Variants in SETD5 observed in about 807,000 individuals in gnomAD.
The protein encoded by SETD5 is histone-lysine N-methyltransferase SETD5.
Under a neutral mutation model 153.3 loss-of-function variants are expected in SETD5, and 44 were observed. The observed-to-expected ratio is 0.29, with a 90% CI of 0.23 to 0.37. The LOEUF (loss-of-function observed/expected upper bound fraction) is 0.37. SETD5 is among the 10% of genes least tolerant of loss of function. The pLI is 1.00. For missense variants in SETD5, 1,544 were observed against 1,768.0 expected, an observed-to-expected ratio of 0.87 and a Z score of 2.27; for synonymous variants, 716 against 645.2, an observed-to-expected ratio of 1.11 and a Z score of -1.66.
At chr3:9,425,263 C>T (rs187653077) in intron 2 of SETD5, among the ~76,000 whole-genome samples, 6 of 151,760 alleles carry the variant, frequency 4.0e-5, no homozygotes, top group African/African-American at 1.2e-4. Context: ...AGGGTTTCAC[C>T]GTGTTAGCCA....
In SETD5 at chr3:9,464,491, T is replaced by C; in HGVS notation, c.2543T>C (p.Leu848Pro). The change falls in exon 18 of 23, where the codon CTT becomes CCT. Residue 848 changes from leucine to proline, a missense_variant. This residue lies in a region of SETD5 where 782 missense variants were observed against 787.2 expected (regional missense o/e 0.99). Coordinates refer to ENST00000402198, the MANE Select transcript of SETD5 (RefSeq NM_001080517.3). ...YLMEQNVTKL[L>P]RPLSPVTPPP... ...ATGGAGCAGAATGTCACCAAGTTAC[T>C]TCGGCCTCTGTCTCCAGTCACACCA... 6.2e-7 allele frequency: 1 copy of C among 1,614,020 alleles called. No individual in the cohort carries two copies. Among genetic ancestry groups the C allele is most frequent in the Non-Finnish European group, 8.5e-7 (1 of 1,179,888 alleles).
At chr3:9,430,936 A>G (rs981580107) in intron 3 of SETD5, 3 of 985,342 alleles carry the variant, frequency 3.0e-6, no homozygotes, top group Middle Eastern at 5.2e-4. Flanking sequence ...GGTCATAACT[A>G]GCTACATAGT....
chr3:9,429,690 T>A (rs1263394830), intron 3 of SETD5: 1 of 358,684 alleles, frequency 2.8e-6, no homozygotes, highest in Admixed American at 4.8e-5. Flanking sequence ...TATACAACTT[T>A]ATATATATTA....
intron 2 of SETD5, among the ~76,000 whole-genome samples, chr3:9,425,349 C>T (rs2039021338): frequency 6.6e-6 from 1 of 152,034 alleles, no homozygotes. Context: ...CAAGCGTGAG[C>T]CACTGCACCG....
chr3:9,418,627 AC>A, intron 1 of SETD5, among the ~76,000 whole-genome samples: 1 of 151,862 alleles, frequency 6.6e-6, no homozygotes, highest in Middle Eastern at 3.4e-3. Context: ...ACATGGTGAA[AC>A]CCCGTCTCTA....
intron 19 of SETD5, among the ~76,000 whole-genome samples, 159 bp from the exon 20 acceptor site, chr3:9,473,077 C>G (rs1245761133): frequency 6.6e-6 from 1 of 152,154 alleles, no homozygotes; most frequent in Admixed American, 6.5e-5. Flanking sequence ...CTTTCATACT[C>G]CCCAAAAAAA....
At chr3:9,405,784 C>T (rs1454993515) in intron 1 of SETD5, among the ~76,000 whole-genome samples, 1 of 152,012 alleles carries the variant, frequency 6.6e-6, no homozygotes, top group Non-Finnish European at 1.5e-5. Flanking sequence ...ATTTGTGCCC[C>T]TTGTTTGTCG....
At chr3:9,444,252 C>T (rs1036677335) in intron 11 of SETD5, among the ~76,000 whole-genome samples, 4 of 152,076 alleles carry the variant, frequency 2.6e-5, no homozygotes, top group South Asian at 2.1e-4. Flanking sequence ...AAAGTATATG[C>T]TTTTTGTTCT....
At chr3:9,410,367 G>A (rs1167731649) in intron 1 of SETD5, among the ~76,000 whole-genome samples, 1 of 152,210 alleles carries the variant, frequency 6.6e-6, no homozygotes, top group Non-Finnish European at 1.5e-5. Flanking sequence ...ATGTCGTTAT[G>A]TGGCACATGA....
At chr3:9,418,306 A>C (rs1483115813) in intron 1 of SETD5, among the ~76,000 whole-genome samples, 4 of 152,204 alleles carry the variant, frequency 2.6e-5, no homozygotes, top group African/African-American at 4.8e-5. Flanking sequence ...GATGCCAGCT[A>C]GATTACAGAT....
In SETD5 at chr3:9,474,713, C is replaced by T. The variant is rs1190993720; in HGVS notation, c.3631+131C>T. 22 of 1,283,374 alleles carry T rather than the reference C, an allele frequency of 1.7e-5. No individual in the cohort carries two copies. In the Admixed American group the frequency reaches 4.7e-4, roughly 27 times the overall value. 79.5% of individuals were successfully genotyped at this position (1,283,374 alleles called of 1,614,324 possible). On this transcript the variant is annotated intron_variant, in intron 21 of 22. Transcript: ENST00000402198. ...TTGGGCTCCACCGCATGCTAGGTTC[C>T]AGCCCACTTATGCTCATTTGGGCTA...
chr3:9,404,513 G>C (rs991517991), intron 1 of SETD5, among the ~76,000 whole-genome samples: 4 of 152,132 alleles, frequency 2.6e-5, no homozygotes, highest in African/African-American at 7.2e-5. Flanking sequence ...TATTACTACA[G>C]AAATTTAGGG....
At chr3:9,438,782 G>C (rs967131885) in intron 7 of SETD5, among the ~76,000 whole-genome samples, 1 of 152,194 alleles carries the variant, frequency 6.6e-6, no homozygotes, top group Non-Finnish European at 1.5e-5. Flanking sequence ...GGAAGGGACT[G>C]TTCTGTGCTT....
intron 19 of SETD5, among the ~76,000 whole-genome samples, chr3:9,471,275 T>C (rs2045269200): frequency 6.6e-6 from 1 of 152,212 alleles, no homozygotes; most frequent in East Asian, 1.9e-4. Flanking sequence ...AGATAGGCAA[T>C]TTTCTATTTT....
rs200411830 is a variant in SETD5, at chr3:9,445,086, G to C, written c.1226G>C (p.Arg409Pro). The part of the protein sequence containing the change: ...KVDCACHKGN[R>P]NCPIQKRNPN... Reference sequence around the variant, plus strand: ...GACTGTGCCTGTCACAAGGGAAACCGGAATTGTCCTATACAAAAAAGGAAT... The same window carrying C: ...GACTGTGCCTGTCACAAGGGAAACCCGAATTGTCCTATACAAAAAAGGAAT... The change falls in exon 12 of 23, where the codon CGG becomes CCG. Residue 409 changes from arginine (R) to proline (P), a missense_variant. Around this residue, in one of 9 missense-constraint regions of SETD5, gnomAD observed 46 missense variants for 111.8 expected, o/e 0.41. Transcript: ENST00000402198. The C allele has an allele frequency of 6.2e-7, 1 of 1,613,644 alleles. No homozygotes were observed. Among genetic ancestry groups the C allele is most frequent in the African/African-American group, 1.3e-5 (1 of 74,864 alleles).
intron 12 of SETD5, 118 bp from the exon 13 acceptor site, chr3:9,445,539 A>G (rs2041835584): frequency 2.1e-6 from 2 of 945,630 alleles, no homozygotes; most frequent in East Asian, 2.6e-5. Flanking sequence ...GTGGCCTCAC[A>G]TGAGTTAACA....
At chr3:9,459,428 CT>C (rs1364183460) in intron 17 of SETD5, among the ~76,000 whole-genome samples, 2 of 151,996 alleles carry the variant, frequency 1.3e-5, no homozygotes, top group Non-Finnish European at 2.9e-5. Context: ...CGTAGTACCA[CT>C]TTTGAATTAG....
chr3:9,458,264 A>G (rs142979690), intron 17 of SETD5, among the ~76,000 whole-genome samples: 94 of 152,252 alleles, frequency 6.2e-4, no homozygotes, highest in African/African-American at 2.1e-3. Context: ...CTTCAAAAGA[A>G]CTACTAGGTC....
chr3:9,416,297 C>T (rs1375714738), intron 1 of SETD5, among the ~76,000 whole-genome samples: 2 of 152,124 alleles, frequency 1.3e-5, no homozygotes, highest in Admixed American at 6.5e-5. Context: ...ATAATCAGTC[C>T]TTATCTTTAG....
Sources: gnomAD v4.1 joint callset for allele counts (sites outside exome capture counted in the v4.1 genomes callset) on GRCh38, gnomAD v4.1.1 for gene constraint, gnomAD v4.1.1 regional missense constraint, MANE v1.5 for transcripts, NCBI Gene and HGNC (gene_info 2026-07-23, HGNC 2026-07-21) for gene names.